The following MFSD6L variants were observed in gnomAD, a reference collection of about 807,000 sequenced individuals.
MFSD6L encodes major facilitator superfamily domain containing 6 like.
MFSD6L carries 9 observed loss-of-function variants against 6.4 expected under a neutral mutation model. The ratio of observed to expected loss-of-function variants is 1.42; its 90% confidence interval spans 0.85 to 2.47. MFSD6L has a LOEUF of 2.47. MFSD6L is among the 30% of genes most tolerant of loss of function. MFSD6L has a pLI of 0.00. For missense variants in MFSD6L, 747 were observed against 730.6 expected, an observed-to-expected ratio of 1.02 and a Z score of -0.26; for synonymous variants, 336 against 322.4, an observed-to-expected ratio of 1.04 and a Z score of -0.45.
In MFSD6L at chr17:8,798,828, G is replaced by A; in HGVS notation, c.293C>T (p.Pro98Leu). 6.2e-7 allele frequency: 1 copy of A among 1,614,058 alleles called. No homozygotes were observed. Among genetic ancestry groups the A allele is most frequent in the Non-Finnish European group, 8.5e-7 (1 of 1,180,026 alleles). ...GTGCACCCGATTTTTGTCTACCGGT[G>A]GGACCAGGACCATCAGCAGGCTGGC... ...VGASLLMVLV[P>L]PVDKNRVHFP... Residue 98 changes from proline (P) to leucine (L), a missense_variant, in exon 1 of 1, where the codon CCA becomes CTA. Coordinates refer to ENST00000329805, the MANE Select transcript of MFSD6L (RefSeq NM_152599.4).
chr17:8,797,688 GA>G lies in MFSD6L; in HGVS notation c.1432del (p.Ser478GlnfsTer2), dbSNP rs1392961344. On this transcript the variant is annotated frameshift_variant, in exon 1 of 1. Transcript: ENST00000329805. LOFTEE classifies it low-confidence loss of function (END_TRUNC). The part of the protein sequence containing the change: ...NRALWWAVGA[S>X]VEDLATPRME... The stretch of plus-strand genomic sequence containing the variant: ...GCGGGGAGTGGCCAGGTCCTCTACT[GA>G]GGCCCCCACAGCCCACCACAAAGCT... 3.1e-6 allele frequency: 5 copies of G among 1,613,570 alleles called. No individual in the cohort carries two copies. The Admixed American group carries it at 8.3e-5, about 27-fold the overall frequency.
chr17:8,798,439 T>G lies in MFSD6L; in HGVS notation c.682A>C (p.Thr228Pro), dbSNP rs2087018905. ...TCAAAAGCCCAGGCTTTCCCCTTGG[T>G]CCCTGACAAATTGGCTGGATTCCCG... ...GPGNPANLSG[T>P]KGKAWAFDLS... The change falls in exon 1 of 1, where the codon ACC becomes CCC. Residue 228 changes from threonine to proline, a missense_variant. By Grantham distance (38) the Thr-to-Pro change is conservative. Coordinates refer to ENST00000329805, the MANE Select transcript of MFSD6L (RefSeq NM_152599.4). The G allele has an allele frequency of 1.9e-6, 3 of 1,607,666 alleles. No individual in the cohort carries two copies. Among genetic ancestry groups the G allele is most frequent in the Non-Finnish European group, 2.6e-6 (3 of 1,176,436 alleles).
chr17:8,798,363 A>G lies in MFSD6L; in HGVS notation c.758T>C (p.Val253Ala). The G allele has an allele frequency of 6.2e-7, 1 of 1,612,422 alleles. No homozygotes were observed. The highest frequency in any genetic ancestry group is 1.7e-5 in the Admixed American group (1 of 60,010). ...RRTFILSLGS[V>A]AFWELLTAPL... ...CGCTGTCAGCAGCTCCCAGAACGCC[A>G]CGGACCCCAAGGAGAGGATAAAAGT... The change falls in exon 1 of 1, where the codon GTG becomes GCG. Residue 253 changes from valine to alanine, a missense_variant. Coordinates refer to ENST00000329805, the MANE Select transcript of MFSD6L (RefSeq NM_152599.4).
In MFSD6L at chr17:8,797,664, C is replaced by A. The variant is rs2242373; in HGVS notation, c.1457G>T (p.Arg486Leu). 3.1e-6 allele frequency: 5 copies of A among 1,613,074 alleles called. No homozygotes were observed. The African/African-American group carries it at 5.3e-5, about 17-fold the overall frequency. Residue 486 changes from arginine to leucine, a missense_variant, in exon 1 of 1, where the codon CGC becomes CTC. By Grantham distance (102) the Arg-to-Leu change is moderately radical. Transcript: ENST00000329805. ...GASVEDLATP[R>L]MERALSALFR... ...CAAGGCACTCAGAGCCCTCTCCATG[C>A]GGGGAGTGGCCAGGTCCTCTACTGA...
chr17:8,799,212 G>A lies in MFSD6L; in HGVS notation c.-92C>T. On this transcript the variant is annotated 5_prime_UTR_variant, in exon 1 of 1. Transcript: ENST00000329805. This position sits in a 1 kb window ranked among gnomAD's most constrained non-coding sequence, Gnocchi z 5.3. ...CAGGTACCCGGGAGGGAGGCTTGGGGGACCGGGGCTCGGAGCGAGTGGGAC... is the reference window on the plus strand; with the variant it reads ...CAGGTACCCGGGAGGGAGGCTTGGGAGACCGGGGCTCGGAGCGAGTGGGAC... 1 of 1,233,630 alleles carries A rather than the reference G, an allele frequency of 8.1e-7. No homozygotes were observed. The highest frequency in any genetic ancestry group is 1.1e-6 in the Non-Finnish European group (1 of 919,382). The allele number at this position is 1,233,630 out of a possible 1,614,324, so 76.4% of individuals were successfully genotyped here.
rs2087021779 is a variant in MFSD6L, at chr17:8,798,794, AC to A, written c.326del (p.Cys109LeufsTer7). ...PVDKNRVHFP[C>X]NGSSGLTSTD... ...TGCTGGTCAGGCCGCTGCTTCCATT[AC>A]AAGGGAAGTGCACCCGATTTTTGTC... On this transcript the variant is annotated frameshift_variant, in exon 1 of 1. Coordinates refer to ENST00000329805, the MANE Select transcript of MFSD6L (RefSeq NM_152599.4). LOFTEE classifies it low-confidence loss of function (END_TRUNC). The A allele has an allele frequency of 6.2e-7, 1 of 1,613,896 alleles. No homozygotes were observed. The highest frequency in any genetic ancestry group is 8.5e-7 in the Non-Finnish European group (1 of 1,180,042).
Position 8,799,151 on chromosome 17 carries a change from C to G in MFSD6L, c.-31G>C. 6.6e-7 allele frequency: 1 copy of G among 1,512,978 alleles called. No individual in the cohort carries two copies. The highest frequency in any genetic ancestry group is 8.8e-7 in the Non-Finnish European group (1 of 1,133,444). The allele number at this position is 1,512,978 out of a possible 1,614,324, so 93.7% of individuals were successfully genotyped here. A position where few individuals can be genotyped will look rare whatever the true frequency, so the allele number is the denominator to read the frequency against. On this transcript the variant is annotated 5_prime_UTR_variant, in exon 1 of 1. Coordinates refer to ENST00000329805, the MANE Select transcript of MFSD6L (RefSeq NM_152599.4). The surrounding 1 kb of genome is among the most constrained non-coding windows in gnomAD (Gnocchi z 5.3). ...CCGGGCTCTGTCAGGCCTGGGCCGACGGAGGGCGGAGCTGGGCGCAGGGCG... is the reference window on the plus strand; with the variant it reads ...CCGGGCTCTGTCAGGCCTGGGCCGAGGGAGGGCGGAGCTGGGCGCAGGGCG...
rs183226947 is a variant in MFSD6L at position 8,799,042 on chromosome 17, C to T, written c.79G>A (p.Glu27Lys). ...KLFHLVCGVR[E>K]ACVTPFLTLY... Reference sequence around the variant, plus strand: ...GTCAGGAACGGGGTCACGCAGGCTTCCCGCACCCCGCACACCAGGTGGAAG... The same window carrying T: ...GTCAGGAACGGGGTCACGCAGGCTTTCCGCACCCCGCACACCAGGTGGAAG... The change falls in exon 1 of 1, where the codon GAA (glutamate) becomes AAA (lysine). Residue 27 changes from glutamate (E) to lysine (K), a missense_variant. Glu to Lys is a moderately conservative substitution (Grantham distance 56). Transcript: ENST00000329805. The surrounding 1 kb of genome is among the most constrained non-coding windows in gnomAD (Gnocchi z 5.3). 1.2e-6 allele frequency: 2 copies of T among 1,611,382 alleles called. No individual in the cohort carries two copies. The highest frequency in any genetic ancestry group is 2.2e-5 in the East Asian group (1 of 44,878).
Position 8,797,318 on chromosome 17 carries a change from C to T in MFSD6L, c.*42G>A, listed in dbSNP as rs140874509. ...CAGGCTGAGTTTTGTTCAGTCCATT[C>T]GTTCCTTGCTGGATCAGCACACTCT... On this transcript the variant is annotated 3_prime_UTR_variant, in exon 1 of 1. Coordinates refer to ENST00000329805, the MANE Select transcript of MFSD6L (RefSeq NM_152599.4). The T allele has an allele frequency of 3.3e-3, 5,029 of 1,519,402 alleles. 26 individuals carry two copies. The highest frequency in any genetic ancestry group is 0.013 in the Middle Eastern group (74 of 5,614). 94.1% of individuals were successfully genotyped at this position (1,519,402 alleles called of 1,614,324 possible).
At position 8,798,682 on chromosome 17, in the gene MFSD6L, C is replaced by T; in HGVS notation, c.439G>A (p.Glu147Lys). ...ASSHPAKRTA[E>K]VEMPGFRNPP... is the part of the protein sequence containing the mutation. ...TTTCTGAAGCCAGGCATTTCCACCT[C>T]TGCAGTCCTCTTGGCTGGGTGGCTG... is the stretch of plus-strand genomic sequence containing the variant. Residue 147 changes from glutamate (E) to lysine (K), a missense_variant, in exon 1 of 1, where the codon GAG (glutamate) becomes AAG (lysine). By Grantham distance (56) the Glu-to-Lys change is moderately conservative (BLOSUM62 1). Coordinates refer to ENST00000329805, the MANE Select transcript of MFSD6L (RefSeq NM_152599.4). The T allele has an allele frequency of 8.7e-6, 14 of 1,614,222 alleles. No homozygotes were observed. Among genetic ancestry groups the T allele is most frequent in the Non-Finnish European group, 1.2e-5 (14 of 1,180,048 alleles).
Position 8,798,845 on chromosome 17 carries a change from C to G in MFSD6L, c.276G>C (p.Leu92=). The G allele has an allele frequency of 6.2e-7, 1 of 1,613,956 alleles. No individual in the cohort carries two copies. The highest frequency in any genetic ancestry group is 8.5e-7 in the Non-Finnish European group (1 of 1,180,004). Residue 92 remains leucine, a synonymous_variant, in exon 1 of 1, where the codon CTG becomes CTC. Transcript: ENST00000329805. ...CTACCGGTGGGACCAGGACCATCAG[C>G]AGGCTGGCCCCCACCGAGCCGAGCA... ...GSLLGSVGAS[L]LMVLVPPVDK...
rs772812130 is a variant in MFSD6L, at chr17:8,798,532, G to A, written c.589C>T (p.His197Tyr). 1.2e-6 allele frequency: 2 copies of A among 1,613,798 alleles called. No homozygotes were observed. ...ACCTCAAAAGTAACTTCCCAGGGAT[G>A]ATCTTTCAGCCCCGAAGTGACAGGA... ...LHPVTSGLKD[H>Y]PWEVTFEVVK... The change falls in exon 1 of 1, where the codon CAT becomes TAT. Residue 197 changes from histidine to tyrosine, a missense_variant. Coordinates refer to ENST00000329805, the MANE Select transcript of MFSD6L (RefSeq NM_152599.4).
In MFSD6L at chr17:8,798,652, G is replaced by T; in HGVS notation, c.469C>A (p.Pro157Thr). Residue 157 changes from proline (P) to threonine (T), a missense_variant, in exon 1 of 1, where the codon CCT (proline) becomes ACT (threonine). Transcript: ENST00000329805. ...AAAGTTTCTCGGTCACTTTCACCAG[G>T]TGGGTTTCTGAAGCCAGGCATTTCC... ...EVEMPGFRNP[P>T]GESDRETFRD... The T allele has an allele frequency of 6.2e-7, 1 of 1,614,168 alleles. No homozygotes were observed. Among genetic ancestry groups the T allele is most frequent in the Non-Finnish European group, 8.5e-7 (1 of 1,180,032 alleles).
Position 8,797,997 on chromosome 17 carries a change from G to A in MFSD6L, c.1124C>T (p.Thr375Ile), listed in dbSNP as rs111767864. 5,051 of 1,614,012 alleles carry A rather than the reference G, an allele frequency of 3.1e-3. 23 individuals carry two copies. The highest frequency in any genetic ancestry group is 0.011 in the Middle Eastern group (64 of 6,058). The change falls in exon 1 of 1, where the codon ACT (threonine) becomes ATT (isoleucine). Residue 375 changes from threonine to isoleucine, a missense_variant. Thr to Ile is a moderately conservative substitution (Grantham distance 89). Transcript: ENST00000329805. ...DPHLILLAST[T>I]VLVGAIVSTV... Reference sequence around the variant, plus strand: ...ACTGACGATGGCTCCTACCAAAACAGTGGTGGAGGCGAGGAGAATGAGGTG... The same window carrying A: ...ACTGACGATGGCTCCTACCAAAACAATGGTGGAGGCGAGGAGAATGAGGTG...
chr17:8,797,591 G>A lies in MFSD6L; in HGVS notation c.1530C>T (p.Val510=), dbSNP rs763670941. ...YGSGCSLGSF[V]GGFVVMRFSL... is the part of the protein sequence containing the mutation. ...TGAAGCGCATCACCACGAAGCCCCC[G>A]ACAAAGCTGCCCAGGCTACAGCCAC... The change falls in exon 1 of 1, where the codon GTC becomes GTT. Residue 510 remains valine (V), a synonymous_variant. Coordinates refer to ENST00000329805, the MANE Select transcript of MFSD6L (RefSeq NM_152599.4). The A allele has an allele frequency of 2.2e-5, 35 of 1,613,260 alleles. No individual in the cohort carries two copies. In the East Asian group the frequency reaches 4.7e-4, roughly 22 times the overall value.
In MFSD6L at chr17:8,797,854, T is replaced by C; in HGVS notation, c.1267A>G (p.Thr423Ala). ...GTCCTGGACAGTTTCCTAAGCAATGTAGCTTTGAACGGATGAAGCAGAATT... is the reference window on the plus strand; with the variant it reads ...GTCCTGGACAGTTTCCTAAGCAATGCAGCTTTGAACGGATGAAGCAGAATT... ...GEILLHPFKA[T>A]LLRKLSRTGL... The change falls in exon 1 of 1, where the codon ACA (threonine) becomes GCA (alanine). Residue 423 changes from threonine to alanine, a missense_variant. Physicochemically the swap from Thr to Ala is moderately conservative, Grantham distance 58. Transcript: ENST00000329805. The C allele has an allele frequency of 6.2e-7, 1 of 1,603,038 alleles. No homozygotes were observed. The highest frequency in any genetic ancestry group is 8.5e-7 in the Non-Finnish European group (1 of 1,172,402).
chr17:8,798,795 C>A lies in MFSD6L; in HGVS notation c.326G>T (p.Cys109Phe). Residue 109 changes from cysteine to phenylalanine, a missense_variant, in exon 1 of 1, where the codon TGT (cysteine) becomes TTT (phenylalanine). Cys to Phe is a radical substitution (Grantham distance 205, BLOSUM62 -2). Transcript: ENST00000329805. ...PVDKNRVHFP[C>F]NGSSGLTSTD... ...GCTGGTCAGGCCGCTGCTTCCATTACAAGGGAAGTGCACCCGATTTTTGTC... is the reference window on the plus strand; with the variant it reads ...GCTGGTCAGGCCGCTGCTTCCATTAAAAGGGAAGTGCACCCGATTTTTGTC... The A allele has an allele frequency of 6.2e-7, 1 of 1,614,070 alleles. No homozygotes were observed. The highest frequency in any genetic ancestry group is 1.6e-4 in the Middle Eastern group (1 of 6,062).
In MFSD6L at chr17:8,797,481, C is replaced by T. The variant is rs148564288; in HGVS notation, c.1640G>A (p.Arg547Gln). The T allele has an allele frequency of 1.2e-4, 187 of 1,614,126 alleles. 1 individual carries two copies. The African/African-American group carries it at 1.9e-3, about 16-fold the overall frequency. Residue 547 changes from arginine to glutamine, a missense_variant, in exon 1 of 1, where the codon CGA becomes CAA. Coordinates refer to ENST00000329805, the MANE Select transcript of MFSD6L (RefSeq NM_152599.4). ...CTTCGAGTACTTGATTTTCCGCTCT[C>T]GGGGCAGCCTCCGCTGTATGGACAG... Reference protein sequence around the residue: ...LLLSIQRRLPRERKIKYSKLL... With the variant: ...LLLSIQRRLPQERKIKYSKLL...
chr17:8,798,964 C>G lies in MFSD6L; in HGVS notation c.157G>C (p.Gly53Arg). 1 of 1,613,916 alleles carries G rather than the reference C, an allele frequency of 6.2e-7. No individual in the cohort carries two copies. Among genetic ancestry groups the G allele is most frequent in the Non-Finnish European group, 8.5e-7 (1 of 1,179,958 alleles). ...AAGGCAGCGATTAGGTGCTTGGTTC[C>G]CATTAGGGTGCCCACCCAGGGCGCG... ...LAAPWVGTLM[G>R]TKHLIAAFWA... is the part of the protein sequence containing the mutation. The change falls in exon 1 of 1, where the codon GGA becomes CGA. Residue 53 changes from glycine to arginine, a missense_variant. Coordinates refer to ENST00000329805, the MANE Select transcript of MFSD6L (RefSeq NM_152599.4).
Sources: gnomAD v4.1 joint callset for allele counts on GRCh38, gnomAD v4.1.1 for gene constraint, Gnocchi (gnomAD v3.1) non-coding constraint, MANE v1.5 for transcripts, NCBI Gene and HGNC (gene_info 2026-07-23, HGNC 2026-07-21) for gene names.